GLIS3: variants seen among roughly 807,000 people sequenced by gnomAD.
The protein encoded by GLIS3 is GLIS family zinc finger 3.
Under a neutral mutation model 78.6 loss-of-function variants are expected in GLIS3, and 53 were observed. That is an observed-to-expected ratio of 0.67 (90% CI 0.54 to 0.85). GLIS3 has a LOEUF of 0.85. Ranked by LOEUF, GLIS3 falls within the 40% of genes least tolerant of loss-of-function variation. The pLI, the probability that GLIS3 is intolerant of heterozygous loss-of-function variation, is 0.00. For missense variants in GLIS3, 1,703 were observed against 1,231.1 expected, an observed-to-expected ratio of 1.38 and a Z score of -5.74; for synonymous variants, 684 against 509.9, an observed-to-expected ratio of 1.34 and a Z score of -4.60.
intron 9 of GLIS3, chr9:3,855,796 C>T (rs750550118): frequency 6.5e-5 from 38 of 583,678 alleles, no homozygotes; most frequent in East Asian, 1.3e-4. Context: ...CTGACCAGTG[C>T]GATGTGTCAT....
At chr9:4,173,460 T>A (rs1049655939) in intron 2 of GLIS3, among the ~76,000 whole-genome samples, 1 of 152,240 alleles carries the variant, frequency 6.6e-6, no homozygotes, top group African/African-American at 2.4e-5. Flanking sequence ...TGGAACAATG[T>A]GGGGCATAAG....
chr9:4,029,384 G>A (rs887358552), intron 4 of GLIS3, among the ~76,000 whole-genome samples: 1 of 151,962 alleles, frequency 6.6e-6, no homozygotes, highest in African/African-American at 2.4e-5. Context: ...TTGATACAGG[G>A]ATGTAATATA....
At chr9:4,179,638 G>A (rs970383143) in intron 2 of GLIS3, among the ~76,000 whole-genome samples, 9 of 152,252 alleles carry the variant, frequency 5.9e-5, no homozygotes, top group Middle Eastern at 6.8e-3. Flanking sequence ...GGCCAGGCAC[G>A]GTGGCTCACG....
the GLIS3 span, among the ~76,000 whole-genome samples, chr9:4,394,771 C>T: frequency 0.22 from 32,723 of 152,074 alleles, 4,145 homozygotes; most frequent in East Asian, 0.37. Flanking sequence ...TTTCCATTCT[C>T]TTCACCACTA....
At chr9:4,256,718 C>G (rs1429836587) in intron 2 of GLIS3, among the ~76,000 whole-genome samples, 2 of 152,132 alleles carry the variant, frequency 1.3e-5, no homozygotes, top group Non-Finnish European at 2.9e-5. Flanking sequence ...GGCTGTTTAT[C>G]AATAGGAGAA....
chr9:4,302,148 G>C (rs1817101038), upstream of GLIS3, among the ~76,000 whole-genome samples: 1 of 152,140 alleles, frequency 6.6e-6, no homozygotes, highest in Admixed American at 6.5e-5. Flanking sequence ...GCAGGGGTGA[G>C]GGAGGGTGGT....
At chr9:4,453,358 A>G in the GLIS3 span, among the ~76,000 whole-genome samples, 3 of 149,042 alleles carry the variant, frequency 2.0e-5, no homozygotes, top group Admixed American at 6.7e-5. Context: ...AAAAAAAAAA[A>G]AAAAAAGAAA....
chr9:4,228,358 A>C (rs543510728), intron 2 of GLIS3, among the ~76,000 whole-genome samples: 1 of 152,190 alleles, frequency 6.6e-6, no homozygotes, highest in East Asian at 1.9e-4. Flanking sequence ...GGGGCTGTCC[A>C]TGCGAATGTA....
the GLIS3 span, among the ~76,000 whole-genome samples, chr9:4,425,980 T>A: frequency 1.3e-5 from 2 of 152,162 alleles, no homozygotes; most frequent in African/African-American, 4.8e-5. Flanking sequence ...GGGTATTTGA[T>A]CAAGTACCCT....
chr9:3,960,466 A>G (rs1316930971), intron 4 of GLIS3, among the ~76,000 whole-genome samples: 1 of 152,130 alleles, frequency 6.6e-6, no homozygotes, highest in Non-Finnish European at 1.5e-5. Flanking sequence ...TGTCTGGTTT[A>G]TTTATTACTT....
intron 2 of GLIS3, among the ~76,000 whole-genome samples, chr9:4,131,093 AG>A (rs1249698287): frequency 1.3e-5 from 2 of 152,216 alleles, no homozygotes; most frequent in African/African-American, 4.8e-5. Context: ...TAGGACCTAT[AG>A]CCCCTTTATT....
At chr9:3,918,792 T>C (rs1203132874) in intron 6 of GLIS3, among the ~76,000 whole-genome samples, 2 of 152,176 alleles carry the variant, frequency 1.3e-5, no homozygotes, top group Non-Finnish European at 2.9e-5. Flanking sequence ...CTTGTCTATA[T>C]AATCAATTTG....
chr9:4,007,634 C>T (rs1290274645), intron 4 of GLIS3, among the ~76,000 whole-genome samples: 1 of 152,048 alleles, frequency 6.6e-6, no homozygotes, highest in Non-Finnish European at 1.5e-5. Flanking sequence ...ATTTCAGATA[C>T]TCTGAAAAAG....
intron 9 of GLIS3, among the ~76,000 whole-genome samples, chr9:3,852,765 C>T (rs1457571623): frequency 6.6e-6 from 1 of 152,194 alleles, no homozygotes; most frequent in Admixed American, 6.5e-5. Flanking sequence ...CAGGGGCACG[C>T]CCTTTGCAAC....
At chr9:4,479,904 C>CTTTTTTTT in the GLIS3 span, among the ~76,000 whole-genome samples, 154 of 108,736 alleles carry the variant, frequency 1.4e-3, no homozygotes, top group African/African-American at 1.7e-3. Flanking sequence ...ATTTCTTCTT[C>CTTTTTTTT]TTTTTTTTTT....
rs1218501577 is a variant in GLIS3, at chr9:4,004,214, G to A, written c.1711-67025C>T. On this transcript the variant is annotated intron_variant, in intron 4 of 10. Transcript: ENST00000381971. ...ACAAGGGAATGAATTAAAAATATGAGGAAAACAACTCCTTTTTATCAGTTG... is the reference window on the plus strand; with the variant it reads ...ACAAGGGAATGAATTAAAAATATGAAGAAAACAACTCCTTTTTATCAGTTG... Among the ~76,000 whole-genome samples the A allele has an allele frequency of 2.0e-5, 3 of 152,156 alleles. No individual in the cohort carries two copies. The East Asian group carries it at 5.8e-4, about 29-fold the overall frequency.
At chr9:4,399,179 GAA>G in the GLIS3 span, among the ~76,000 whole-genome samples, 4 of 152,144 alleles carry the variant, frequency 2.6e-5, no homozygotes, top group African/African-American at 9.7e-5. Context: ...CCAACACAAA[GAA>G]ATGATAAATG....
At chr9:4,048,328 C>T (rs1825422743) in intron 4 of GLIS3, among the ~76,000 whole-genome samples, 1 of 152,202 alleles carries the variant, frequency 6.6e-6, no homozygotes, top group East Asian at 1.9e-4. Flanking sequence ...GGGCAAAAAG[C>T]TGTTAGATGG....
intron 1 of GLIS3, among the ~76,000 whole-genome samples, chr9:4,295,968 T>C (rs1392780931): frequency 6.6e-6 from 1 of 152,122 alleles, no homozygotes; most frequent in African/African-American, 2.4e-5. Context: ...GTGCCTTTTT[T>C]CCCCAGTCCT....
Sources: gnomAD v4.1 joint callset for allele counts (sites outside exome capture counted in the v4.1 genomes callset) on GRCh38, gnomAD v4.1.1 for gene constraint, MANE v1.5 for transcripts, NCBI Gene and HGNC (gene_info 2026-07-23, HGNC 2026-07-21) for gene names.